The following ROBO1 variants were observed in gnomAD, a reference collection of about 807,000 sequenced individuals.
ROBO1 encodes the protein roundabout guidance receptor 1.
A neutral mutation model predicts 195.9 loss-of-function variants in ROBO1; 149 were observed. That is an observed-to-expected ratio of 0.76 (90% CI 0.67 to 0.87). ROBO1 has a LOEUF of 0.87. ROBO1 is among the 40% of genes least tolerant of loss of function. The probability of loss-of-function intolerance (pLI) is 0.00; values close to 1 mark genes in which losing one functional copy is unlikely to be tolerated. For synonymous variants in ROBO1, 816 were observed against 733.2 expected (o/e 1.11, Z -1.82); for missense variants, 1,933 against 2,068.3 (o/e 0.93, Z 1.27).
intron 1 of ROBO1, among the ~76,000 whole-genome samples, chr3:79,751,481 A>T (rs1209757741): frequency 1.3e-5 from 2 of 152,164 alleles, no homozygotes; most frequent in Non-Finnish European, 2.9e-5. Flanking sequence ...AATAAAATTC[A>T]ATAGGTAAAA....
At chr3:79,021,204 A>G (rs1243472985) in intron 3 of ROBO1, among the ~76,000 whole-genome samples, 1 of 152,206 alleles carries the variant, frequency 6.6e-6, no homozygotes, top group Non-Finnish European at 1.5e-5. Flanking sequence ...GGGCAGTCAA[A>G]GCTGAAAAGC....
At chr3:78,938,502 A>C in intron 4 of ROBO1, 99 bp downstream of exon 4, 1 of 932,500 alleles carries the variant, frequency 1.1e-6, no homozygotes. Context: ...TCCTCAGGTA[A>C]GGCCTGAGAT....
chr3:78,791,803 G>A (rs333507), intron 4 of ROBO1, among the ~76,000 whole-genome samples: 108,009 of 152,108 alleles, frequency 0.71, 38,680 homozygotes, highest in South Asian at 0.8. Context: ...AAAGTGCTAC[G>A]TAGCAATGTT....
chr3:78,995,155 G>A (rs1376107217), intron 3 of ROBO1, among the ~76,000 whole-genome samples: 3 of 152,130 alleles, frequency 2.0e-5, no homozygotes, highest in Non-Finnish European at 4.4e-5. Context: ...CCAAATCAAA[G>A]TTGGGTAACT....
chr3:79,733,361 ATTG>A (rs1448106819), intron 1 of ROBO1, among the ~76,000 whole-genome samples: 1 of 152,212 alleles, frequency 6.6e-6, no homozygotes, highest in Non-Finnish European at 1.5e-5. Flanking sequence ...AAAATTAGAT[ATTG>A]TTGTTAGGAT....
chr3:79,695,986 G>T (rs569680003), intron 1 of ROBO1, among the ~76,000 whole-genome samples: 3 of 151,288 alleles, frequency 2.0e-5, no homozygotes, highest in African/African-American at 7.3e-5. Context: ...TTTTCCCTTG[G>T]GGAGGGGGTT....
At chr3:78,878,441 C>G (rs1431985959) in intron 4 of ROBO1, among the ~76,000 whole-genome samples, 2 of 151,742 alleles carry the variant, frequency 1.3e-5, no homozygotes, top group Non-Finnish European at 2.9e-5. Flanking sequence ...AAAAATTAGT[C>G]GGGCATGGTG....
Position 78,617,879 on chromosome 3 carries a change from AAG to A in ROBO1, c.4036_4037del (p.Leu1346PhefsTer6). 1 of 1,613,922 alleles carries A rather than the reference AAG, an allele frequency of 6.2e-7. No homozygotes were observed. Among genetic ancestry groups the A allele is most frequent in the Non-Finnish European group, 8.5e-7 (1 of 1,179,888 alleles). ...GTGTCTGCTCAAGCCCACGTAACAA[AAG>A]CCTTCTGGTTTGCATCTTGGCTACC... Reference protein sequence around the residue: ...MEVAKMQTRRLLLRGLEQTPA... With the variant: ...MEVAKMQTRRXLLRGLEQTPA... On this transcript the variant is annotated frameshift_variant, in exon 27 of 31. Coordinates refer to ENST00000464233, the MANE Select transcript of ROBO1 (RefSeq NM_002941.4). LOFTEE classifies it high-confidence loss of function.
At position 79,688,389 on chromosome 3, in the gene ROBO1, TTTTC is replaced by T. The variant is rs530932433; in HGVS notation, c.-51+79359_-51+79362del. On this transcript the variant is annotated intron_variant, in intron 1 of 30. Coordinates refer to ENST00000464233, the MANE Select transcript of ROBO1 (RefSeq NM_002941.4). ...ATAATTTTAAAAAAATCACACAGCT[TTTTC>T]TTTCTGACATTCAGCCATTGCTCTT... Among the ~76,000 whole-genome samples the T allele has an allele frequency of 1.1e-3, 169 of 152,064 alleles. 2 individuals carry two copies. Among genetic ancestry groups the T allele is most frequent in the Admixed American group, 3.4e-3 (52 of 15,242 alleles).
At chr3:79,086,127 G>A (rs1250718423) in intron 3 of ROBO1, among the ~76,000 whole-genome samples, 1 of 149,132 alleles carries the variant, frequency 6.7e-6, no homozygotes, top group Admixed American at 6.7e-5. Context: ...TTTTTTTTTA[G>A]GTGTTATGTG....
intron 2 of ROBO1, among the ~76,000 whole-genome samples, chr3:79,255,456 G>A (rs1252473358): frequency 6.6e-6 from 1 of 152,138 alleles, no homozygotes; most frequent in Non-Finnish European, 1.5e-5. Context: ...AGACAAAATT[G>A]TATTGTTCTT....
chr3:79,358,531 A>T (rs1331470727), intron 2 of ROBO1, among the ~76,000 whole-genome samples: 1 of 152,034 alleles, frequency 6.6e-6, no homozygotes, highest in Non-Finnish European at 1.5e-5. Context: ...GATCTCCCAG[A>T]TAATACTTTC....
intron 4 of ROBO1, among the ~76,000 whole-genome samples, chr3:78,934,426 C>G (rs972523222): frequency 2.6e-5 from 4 of 151,744 alleles, no homozygotes. Context: ...CTGATCAAAG[C>G]ATTTTTAAAT....
Position 79,692,760 on chromosome 3 carries a change from CATT to C in ROBO1, c.-51+74989_-51+74991del, listed in dbSNP as rs1947332566. ...TATATATTGTATATCATATGACTAT[CATT>C]ATTAATAGTACAGGCTAACTATTCC... On this transcript the variant is annotated intron_variant, in intron 1 of 30. Coordinates refer to ENST00000464233, the MANE Select transcript of ROBO1 (RefSeq NM_002941.4). Among the ~76,000 whole-genome samples the C allele has an allele frequency of 2.6e-5, 4 of 151,744 alleles. No homozygotes were observed. In the South Asian group the frequency reaches 8.3e-4, roughly 31 times the overall value.
intron 1 of ROBO1, among the ~76,000 whole-genome samples, chr3:79,744,104 G>A (rs1703768905): frequency 6.6e-6 from 1 of 152,146 alleles, no homozygotes; most frequent in African/African-American, 2.4e-5. Flanking sequence ...AAGACTAACA[G>A]TGCAGTAAAT....
chr3:79,081,405 C>G (rs1344089917), intron 3 of ROBO1, among the ~76,000 whole-genome samples: 2 of 152,092 alleles, frequency 1.3e-5, no homozygotes, highest in African/African-American at 4.8e-5. Flanking sequence ...ACTTTGTAAA[C>G]TCGAATCTTT....
At chr3:79,745,861 CT>C in intron 1 of ROBO1, among the ~76,000 whole-genome samples, 1 of 152,042 alleles carries the variant, frequency 6.6e-6, no homozygotes, top group East Asian at 1.9e-4. Context: ...TCATTTGTGG[CT>C]TTTTACCCCT....
At chr3:78,703,184 C>T (rs1192434872) in intron 8 of ROBO1, among the ~76,000 whole-genome samples, 4 of 151,946 alleles carry the variant, frequency 2.6e-5, no homozygotes, top group Non-Finnish European at 5.9e-5. Context: ...TTACTTTATT[C>T]CTCTAGGGAA....
At chr3:79,690,136 G>T (rs11714102) in intron 1 of ROBO1, among the ~76,000 whole-genome samples, 26,536 of 151,622 alleles carry the variant, frequency 0.18, 2,888 homozygotes, top group East Asian at 0.26. Context: ...GTAATGCACC[G>T]CTCCCCCCAC....
Sources: gnomAD v4.1 joint callset for allele counts (sites outside exome capture counted in the v4.1 genomes callset) on GRCh38, gnomAD v4.1.1 for gene constraint, MANE v1.5 for transcripts, NCBI Gene and HGNC (gene_info 2026-07-23, HGNC 2026-07-21) for gene names.